The following SCG5 variants were observed in gnomAD, a reference collection of about 807,000 sequenced individuals.
SCG5 encodes neuroendocrine protein 7B2.
In SCG5, 18 loss-of-function variants were observed where a neutral mutation model predicts 25.7. That is an observed-to-expected ratio of 0.70 (90% CI 0.48 to 1.04). The LOEUF is 1.04. SCG5 is among the 50% of genes least tolerant of loss of function. The pLI, the probability that SCG5 is intolerant of heterozygous loss-of-function variation, is 0.00. For missense variants in SCG5, 206 were observed against 259.8 expected (o/e 0.79, Z 1.42); for synonymous variants, 101 against 91.7 (o/e 1.10, Z -0.58).
intron 2 of SCG5, among the ~76,000 whole-genome samples, chr15:32,679,234 G>A (rs12102176): frequency 0.26 from 39,572 of 149,536 alleles, 5,704 homozygotes; most frequent in East Asian, 0.6. Flanking sequence ...TTGCTCTGTC[G>A]CTCAGGCTGG....
intron 5 of SCG5, among the ~76,000 whole-genome samples, chr15:32,696,285 T>C (rs1265652471): frequency 1.3e-5 from 2 of 152,038 alleles, no homozygotes; most frequent in African/African-American, 4.8e-5. Context: ...GCCCGGCTAA[T>C]TTTTTGTATT....
intron 4 of SCG5, among the ~76,000 whole-genome samples, chr15:32,689,010 G>A (rs2054790065): frequency 6.6e-6 from 1 of 151,238 alleles, no homozygotes; most frequent in African/African-American, 2.4e-5. Flanking sequence ...GAAGTTTTGG[G>A]GCTGTGTAAA....
intron 2 of SCG5, among the ~76,000 whole-genome samples, chr15:32,644,753 A>G (rs1001965002): frequency 6.6e-6 from 1 of 152,238 alleles, no homozygotes; most frequent in Non-Finnish European, 1.5e-5. Context: ...GGATTTGCCC[A>G]TGGAGTGGGT....
At chr15:32,692,179 G>T (rs1288869968) in intron 5 of SCG5, 1 of 1,018,580 alleles carries the variant, frequency 9.8e-7, no homozygotes, top group African/African-American at 1.7e-5. Context: ...GTGCTGAACT[G>T]CATGCTCCAG....
intron 2 of SCG5, among the ~76,000 whole-genome samples, chr15:32,668,047 A>ACC (rs2054351753): frequency 1.3e-5 from 2 of 152,162 alleles, no homozygotes; most frequent in African/African-American, 4.8e-5. Flanking sequence ...TTTGTATGAG[A>ACC]TGGGAAACCA....
chr15:32,662,945 T>C (rs1477081228), intron 2 of SCG5, among the ~76,000 whole-genome samples: 5 of 150,614 alleles, frequency 3.3e-5, no homozygotes, highest in African/African-American at 9.7e-5. Context: ...TGGGCCTCTG[T>C]AATTAACCTG....
chr15:32,686,261 G>T (rs1301916120), intron 4 of SCG5, among the ~76,000 whole-genome samples: 2 of 152,154 alleles, frequency 1.3e-5, no homozygotes, highest in African/African-American at 4.8e-5. Flanking sequence ...TTCTCGAATA[G>T]GAGACTGAAA....
chr15:32,694,553 A>G (rs914423558), intron 5 of SCG5, among the ~76,000 whole-genome samples: 1 of 152,244 alleles, frequency 6.6e-6, no homozygotes, highest in African/African-American at 2.4e-5. Context: ...CTCCTTTAAC[A>G]TATTAGAATT....
intron 2 of SCG5, among the ~76,000 whole-genome samples, chr15:32,653,142 TC>T (rs1360468402): frequency 1.3e-5 from 2 of 152,252 alleles, no homozygotes; most frequent in Non-Finnish European, 2.9e-5. Flanking sequence ...TAACAATTTG[TC>T]AAGAATCACA....
chr15:32,692,330 ACTGCAGG>A (rs2054874347), intron 5 of SCG5: 1 of 966,656 alleles, frequency 1.0e-6, no homozygotes, highest in South Asian at 4.8e-5. Flanking sequence ...TGTTGAATTT[ACTGCAGG>A]CTTAGTTTTT....
At chr15:32,660,157 C>G (rs1470046243) in intron 2 of SCG5, among the ~76,000 whole-genome samples, 5 of 152,176 alleles carry the variant, frequency 3.3e-5, no homozygotes, top group Admixed American at 3.3e-4. Context: ...ATAGAGCACA[C>G]TGGAGCCTGG....
At position 32,691,739 on chromosome 15, in the gene SCG5, G is replaced by C. The variant is rs2054862162; in HGVS notation, c.519G>C (p.Lys173Asn). 6.2e-7 allele frequency: 1 copy of C among 1,611,978 alleles called. No homozygotes were observed. Among genetic ancestry groups the C allele is most frequent in the Non-Finnish European group, 8.5e-7 (1 of 1,179,262 alleles). Residue 173 changes from lysine to asparagine, a missense_variant, in exon 5 of 6, where the codon AAG (lysine) becomes AAC (asparagine). Physicochemically the swap from Lys to Asn is moderately conservative, Grantham distance 94. Transcript: ENST00000300175. ...WNKKLLYEKM[K>N]GGERRKRRSV... is the part of the protein sequence containing the mutation. ...AGAAACTCCTTTACGAGAAGATGAA[G>C]GGAGGAGAGAGACGAAAGCGGAGGG...
At chr15:32,648,690 G>A (rs986767315) in intron 2 of SCG5, among the ~76,000 whole-genome samples, 3 of 151,548 alleles carry the variant, frequency 2.0e-5, no homozygotes, top group African/African-American at 7.3e-5. Flanking sequence ...TGTGTAGCGA[G>A]TTTCAAAGTC....
In SCG5 at chr15:32,691,732, A is replaced by G. The variant is rs749888074; in HGVS notation, c.512A>G (p.Lys171Arg). The change falls in exon 5 of 6, where the codon AAG becomes AGG. Residue 171 changes from lysine to arginine, a missense_variant. Coordinates refer to ENST00000300175, the MANE Select transcript of SCG5 (RefSeq NM_001144757.3). Reference sequence around the variant, plus strand: ...TAGAACAAGAAACTCCTTTACGAGAAGATGAAGGGAGGAGAGAGACGAAAG... The same window carrying G: ...TAGAACAAGAAACTCCTTTACGAGAGGATGAAGGGAGGAGAGAGACGAAAG... ...GKWNKKLLYE[K>R]MKGGERRKRR... 6 of 1,611,362 alleles carry G rather than the reference A, an allele frequency of 3.7e-6. No individual in the cohort carries two copies. The African/African-American group carries it at 8.0e-5, about 22-fold the overall frequency.
intron 2 of SCG5, among the ~76,000 whole-genome samples, chr15:32,661,465 A>T (rs1323135233): frequency 6.6e-6 from 1 of 152,164 alleles, no homozygotes; most frequent in Non-Finnish European, 1.5e-5. Flanking sequence ...TACTAAAAAT[A>T]CAAAATAAGC....
intron 2 of SCG5, among the ~76,000 whole-genome samples, chr15:32,650,120 G>A (rs1176617344): frequency 1.3e-5 from 2 of 152,038 alleles, no homozygotes; most frequent in African/African-American, 4.8e-5. Flanking sequence ...TTTTTGAGAC[G>A]GAGTCTTGCT....
chr15:32,691,124 C>T (rs565870404), intron 4 of SCG5, among the ~76,000 whole-genome samples: 1 of 152,246 alleles, frequency 6.6e-6, no homozygotes, highest in African/African-American at 2.4e-5. Flanking sequence ...TGCCCCCCGA[C>T]CCAACATAAC....
intron 4 of SCG5, 40 bp downstream of exon 4, chr15:32,684,709 G>A: frequency 7.5e-7 from 1 of 1,337,100 alleles, no homozygotes; most frequent in Non-Finnish European, 1.1e-6. Context: ...TTGCACTTTG[G>A]TACTCTGAAG....
intron 2 of SCG5, among the ~76,000 whole-genome samples, chr15:32,657,813 T>C (rs1211501466): frequency 6.6e-6 from 1 of 152,218 alleles, no homozygotes; most frequent in African/African-American, 2.4e-5. Flanking sequence ...CCAGGAACTG[T>C]GGCCCTGATA....
Sources: gnomAD v4.1 joint callset for allele counts (sites outside exome capture counted in the v4.1 genomes callset) on GRCh38, gnomAD v4.1.1 for gene constraint, MANE v1.5 for transcripts, NCBI Gene and HGNC (gene_info 2026-07-23, HGNC 2026-07-21) for gene names.